Variants in GSE1 observed in about 807,000 individuals in gnomAD.
GSE1 encodes the protein genetic suppressor element 1.
A neutral mutation model predicts 112.6 loss-of-function variants in GSE1; 32 were observed. That is an observed-to-expected ratio of 0.28 (90% confidence interval 0.21 to 0.38). GSE1 has a LOEUF of 0.38. GSE1 is among the 10% of genes least tolerant of loss of function. GSE1 has a pLI of 1.00. For synonymous variants in GSE1, 1,115 were observed against 735.6 expected, an observed-to-expected ratio of 1.52 and a Z score of -8.35; for missense variants, 2,348 against 1,699.2, an observed-to-expected ratio of 1.38 and a Z score of -6.71.
At chr16:85,563,412 G>A (rs1286830211) in intron 1 of GSE1, among the ~76,000 whole-genome samples, 2 of 152,190 alleles carry the variant, frequency 1.3e-5, no homozygotes, top group African/African-American at 4.8e-5. Context: ...TCCCACACAT[G>A]CCAGGCCCTC....
intron 1 of GSE1, among the ~76,000 whole-genome samples, chr16:85,282,138 C>T (rs1229104222): frequency 6.6e-6 from 1 of 152,076 alleles, no homozygotes; most frequent in African/African-American, 2.4e-5. Flanking sequence ...AGTGATTCTC[C>T]TGCCTCAGCC....
intron 2 of GSE1, among the ~76,000 whole-genome samples, chr16:85,450,663 C>A (rs1158765706): frequency 6.6e-6 from 1 of 151,484 alleles, no homozygotes; most frequent in African/African-American, 2.4e-5. Context: ...CTTGGCCAGG[C>A]TGGTCTTGAA....
intron 14 of GSE1, chr16:85,670,623 T>G (rs2053253761): frequency 6.4e-6 from 1 of 156,182 alleles, no homozygotes; most frequent in South Asian, 1.9e-4. Flanking sequence ...AGAGGCTTTA[T>G]TTTATTAATT....
chr16:85,384,092 G>A (rs573538355), intron 2 of GSE1, among the ~76,000 whole-genome samples: 174 of 152,200 alleles, frequency 1.1e-3, no homozygotes, highest in Admixed American at 1.9e-3. Context: ...CGTCTCCCTC[G>A]ACCCTCCGGC....
At chr16:85,229,338 C>T (rs935012114) in intron 1 of GSE1, among the ~76,000 whole-genome samples, 4 of 152,214 alleles carry the variant, frequency 2.6e-5, no homozygotes, top group South Asian at 2.1e-4. Flanking sequence ...TCCACCTGTG[C>T]CGTGTCAAGG....
In GSE1 at chr16:85,419,439, C is replaced by T. The variant is rs1036564266; in HGVS notation, c.2464+61796C>T. On this transcript the variant is annotated intron_variant, in intron 2 of 2. Transcript: ENST00000637419. The surrounding 1 kb of genome is among the most constrained non-coding windows in gnomAD (Gnocchi z 6.5). ...ACCAGCCTGAGCAACATAGTGAGAC[C>T]CTGTCTACGAACAAAAGTTAGCCAG... is the stretch of plus-strand genomic sequence containing the variant. Among the ~76,000 whole-genome samples, 1 of 151,760 alleles carries T rather than the reference C, an allele frequency of 6.6e-6. No individual in the cohort carries two copies. The highest frequency in any genetic ancestry group is 1.5e-5 in the Non-Finnish European group (1 of 67,964).
intron 2 of GSE1, among the ~76,000 whole-genome samples, chr16:85,400,346 G>A (rs959662799): frequency 6.6e-6 from 1 of 151,252 alleles, no homozygotes; most frequent in Non-Finnish European, 1.5e-5. Context: ...TGTGTGTCGT[G>A]TTTCTGTGTA....
At chr16:85,555,916 C>T (rs1317940591), upstream of GSE1, 3 of 953,316 alleles carry the variant, frequency 3.1e-6, no homozygotes, top group South Asian at 4.9e-5. Flanking sequence ...TCTCTCGCTC[C>T]TCTTCCCCGC....
chr16:85,612,236 G>A (rs1170827276), upstream of GSE1, among the ~76,000 whole-genome samples: 1 of 146,208 alleles, frequency 6.8e-6, no homozygotes, highest in African/African-American at 2.6e-5. Context: ...CCGCCGCGAT[G>A]GGGTGGGGGC....
chr16:85,638,352 G>A (rs1036730274), intron 2 of GSE1, among the ~76,000 whole-genome samples: 19 of 152,170 alleles, frequency 1.2e-4, no homozygotes, highest in South Asian at 8.3e-4. Flanking sequence ...GCCCACCAGC[G>A]CGGGCCAGAC....
intron 1 of GSE1, among the ~76,000 whole-genome samples, chr16:85,229,538 C>T (rs1032081882): frequency 6.6e-5 from 10 of 152,174 alleles, no homozygotes; most frequent in East Asian, 3.9e-4. Context: ...GTGTACTAAA[C>T]GATTTCATAC....
At chr16:85,616,998 C>T (rs916788573) in intron 1 of GSE1, among the ~76,000 whole-genome samples, 4 of 152,222 alleles carry the variant, frequency 2.6e-5, no homozygotes, top group Non-Finnish European at 4.4e-5. Context: ...TCTGATTCCC[C>T]ACCAGCCTCT....
intron 1 of GSE1, among the ~76,000 whole-genome samples, chr16:85,212,314 G>A (rs1017750915): frequency 3.3e-5 from 5 of 152,332 alleles, no homozygotes; most frequent in African/African-American, 1.2e-4. Context: ...GCTGAGGCAG[G>A]AGAATCGCTT....
At chr16:85,548,227 C>CAAAAAAAAAAAA (rs1241025677) in intron 2 of GSE1, among the ~76,000 whole-genome samples, 3 of 70,054 alleles carry the variant, frequency 4.3e-5, no homozygotes, top group Admixed American at 1.4e-4. Flanking sequence ...GACTCTTTCT[C>CAAAAAAAAAAAA]AAAAAAAAAA....
chr16:85,307,308 G>A (rs1256754045), intron 1 of GSE1, among the ~76,000 whole-genome samples: 1 of 152,286 alleles, frequency 6.6e-6, no homozygotes, highest in Middle Eastern at 3.4e-3. Flanking sequence ...TGTTCTCTCT[G>A]GTTTAACCAC....
At chr16:85,324,339 G>A (rs1364877097) in intron 1 of GSE1, among the ~76,000 whole-genome samples, 4 of 152,064 alleles carry the variant, frequency 2.6e-5, no homozygotes, top group African/African-American at 7.2e-5. Flanking sequence ...GCGAAACCCC[G>A]TCTCTACTAA....
chr16:85,434,339 A>ATCATCATCATC (rs1555511288), intron 2 of GSE1, among the ~76,000 whole-genome samples: 157 of 104,136 alleles, frequency 1.5e-3, no homozygotes, highest in African/African-American at 4.7e-3. Flanking sequence ...TAATAATAAT[A>ATCATCATCATC]ATAATAATCA....
In GSE1 at chr16:85,586,113, A is replaced by G. The variant is rs111292073; in HGVS notation, c.37+29750A>G. On this transcript the variant is annotated intron_variant, in intron 1 of 2. Transcript: ENST00000635906. ...TCCGTTCCCTGTGTCTCTTCGCATC[A>G]TCATTCTGCTGTCTGCATCTGTCTC... Among the ~76,000 whole-genome samples, 23 of 152,182 alleles carry G rather than the reference A, an allele frequency of 1.5e-4. No homozygotes were observed. The Middle Eastern group carries it at 0.01, about 68-fold the overall frequency.
intron 1 of GSE1, among the ~76,000 whole-genome samples, chr16:85,348,680 G>T (rs2151554937): frequency 6.6e-6 from 1 of 152,258 alleles, no homozygotes; most frequent in South Asian, 2.1e-4. Context: ...TCTATAAAAT[G>T]GGTTGGTCAT....
Sources: allele counts gnomAD v4.1 joint callset (sites outside exome capture counted in the v4.1 genomes callset), GRCh38; gene constraint gnomAD v4.1.1; non-coding constraint Gnocchi (gnomAD v3.1); transcripts MANE v1.5; gene names NCBI Gene and HGNC (gene_info 2026-07-23, HGNC 2026-07-21).